SLC39A11: variants seen among roughly 807,000 people sequenced by gnomAD.
SLC39A11 encodes zinc transporter ZIP11.
A neutral mutation model predicts 36.1 loss-of-function variants in SLC39A11; 33 were observed. That is an observed-to-expected ratio of 0.91 (90% CI 0.69 to 1.22). The LOEUF is 1.22. Among genes scored for constraint, SLC39A11 ranks in the 50% most tolerant of loss-of-function variants. The pLI is 0.00. For missense variants in SLC39A11, 432 were observed against 430.3 expected, an observed-to-expected ratio of 1.00 and a Z score of -0.03; for synonymous variants, 166 against 170.3, an observed-to-expected ratio of 0.97 and a Z score of 0.20.
Position 72,677,351 on chromosome 17 carries a change from C to T in SLC39A11, c.672-28083G>A, listed in dbSNP as rs571845014. 1.5e-4 allele frequency among the ~76,000 whole-genome samples: 23 copies of T among 152,302 alleles called. 1 individual carries two copies. The South Asian group carries it at 3.9e-3, about 26-fold the overall frequency. On this transcript the variant is annotated intron_variant, in intron 7 of 9. Coordinates refer to ENST00000255559, the MANE Select transcript of SLC39A11 (RefSeq NM_139177.4). ...GAGGCCATGGCCAACACCAGCTGGG[C>T]CCTGCTACATCACAGCAGATGCTGC...
Position 72,777,119 on chromosome 17 carries a change from G to A in SLC39A11, c.602-40400C>T, listed in dbSNP as rs139096098. Reference sequence around the variant, plus strand: ...AGCCTGAATAAACGTATTCACACTCGGGCTTTAGTGTTTAATAAGACTTAA... The same window carrying A: ...AGCCTGAATAAACGTATTCACACTCAGGCTTTAGTGTTTAATAAGACTTAA... On this transcript the variant is annotated intron_variant, in intron 6 of 9. Transcript: ENST00000255559. Among the ~76,000 whole-genome samples, 7 of 152,114 alleles carry A rather than the reference G, an allele frequency of 4.6e-5. No individual in the cohort carries two copies. In the East Asian group the frequency reaches 1.2e-3, roughly 25 times the overall value.
rs967271788 is a variant in SLC39A11, at chr17:72,659,246, C to T, written c.672-9978G>A. Among the ~76,000 whole-genome samples the T allele has an allele frequency of 5.3e-5, 8 of 152,140 alleles. No individual in the cohort carries two copies. In the South Asian group the frequency reaches 6.2e-4, roughly 12 times the overall value. ...GCCTGCAAATGACTCCAGCACAGCACGGGACTTGCTAAAGGCCATAAGATC... is the reference window on the plus strand; with the variant it reads ...GCCTGCAAATGACTCCAGCACAGCATGGGACTTGCTAAAGGCCATAAGATC... On this transcript the variant is annotated intron_variant, in intron 7 of 9. Transcript: ENST00000255559.
chr17:73,059,874 G>A (rs961557915), intron 3 of SLC39A11, among the ~76,000 whole-genome samples: 2 of 152,008 alleles, frequency 1.3e-5, no homozygotes, highest in African/African-American at 2.4e-5. Context: ...AATATAAGAA[G>A]GTTGTAGGAG....
At chr17:72,800,122 G>T (rs1598787092) in intron 6 of SLC39A11, among the ~76,000 whole-genome samples, 1 of 151,970 alleles carries the variant, frequency 6.6e-6, no homozygotes, top group South Asian at 2.1e-4. Flanking sequence ...CCCAATACAT[G>T]TCTATGTGAG....
At chr17:72,669,327 G>C (rs971507160) in intron 7 of SLC39A11, among the ~76,000 whole-genome samples, 1 of 152,096 alleles carries the variant, frequency 6.6e-6, no homozygotes, top group African/African-American at 2.4e-5. Context: ...TGCTATTTCA[G>C]GATCCAGTGT....
chr17:72,896,861 T>C (rs2082053574), intron 5 of SLC39A11, among the ~76,000 whole-genome samples: 1 of 151,760 alleles, frequency 6.6e-6, no homozygotes, highest in African/African-American at 2.4e-5. Flanking sequence ...AAGACCAGCC[T>C]GACCAACATG....
chr17:72,890,342 C>G (rs185481519), intron 5 of SLC39A11, among the ~76,000 whole-genome samples: 4 of 151,102 alleles, frequency 2.6e-5, no homozygotes, highest in Admixed American at 2.6e-4. Flanking sequence ...TTGGTATGGT[C>G]CCAGCAAGTT....
chr17:72,804,006 T>A (rs2713982), intron 6 of SLC39A11, among the ~76,000 whole-genome samples: 62 of 137,758 alleles, frequency 4.5e-4, no homozygotes, highest in African/African-American at 1.6e-3. Context: ...CTTTTTTGGG[T>A]GGGGGCGGGG....
intron 6 of SLC39A11, among the ~76,000 whole-genome samples, chr17:72,807,837 G>A (rs78712437): frequency 0.015 from 2,229 of 152,250 alleles, 49 homozygotes; most frequent in African/African-American, 0.051. Flanking sequence ...AACTGAACCC[G>A]ACGAGGGGGT....
At position 72,972,346 on chromosome 17, in the gene SLC39A11, C is replaced by A. The variant is rs545470474; in HGVS notation, c.307-24471G>T. 7.2e-5 allele frequency among the ~76,000 whole-genome samples: 11 copies of A among 152,298 alleles called. No homozygotes were observed. The South Asian group carries it at 1.2e-3, about 17-fold the overall frequency. ...AAGGGCATTGCAATACACATCACCG[C>A]CCCACCCTTCCATTTCATAGATGTG... On this transcript the variant is annotated intron_variant, in intron 4 of 9. Transcript: ENST00000255559.
chr17:73,068,019 AC>A, intron 3 of SLC39A11: 1 of 1,592,412 alleles, frequency 6.3e-7, no homozygotes, highest in Admixed American at 1.7e-5. Flanking sequence ...AGTTTAAGAA[AC>A]TTTTTGATGA....
At chr17:73,085,246 T>A (rs879307936) in intron 2 of SLC39A11, among the ~76,000 whole-genome samples, 2 of 151,902 alleles carry the variant, frequency 1.3e-5, no homozygotes, top group Non-Finnish European at 2.9e-5. Flanking sequence ...AGTGCTCACA[T>A]GTGTAATCCC....
At chr17:72,694,354 G>A (rs998803004) in intron 7 of SLC39A11, among the ~76,000 whole-genome samples, 2 of 152,222 alleles carry the variant, frequency 1.3e-5, no homozygotes, top group African/African-American at 4.8e-5. Context: ...AGGAGAGCTA[G>A]AATTGGCTCC....
intron 6 of SLC39A11, among the ~76,000 whole-genome samples, chr17:72,814,072 A>C (rs961868130): frequency 6.6e-6 from 1 of 152,228 alleles, no homozygotes; most frequent in East Asian, 1.9e-4. Flanking sequence ...ACAACACGGC[A>C]TGTCTAATAC....
intron 5 of SLC39A11, among the ~76,000 whole-genome samples, chr17:72,870,503 A>T (rs913064907): frequency 1.2e-4 from 19 of 152,238 alleles, no homozygotes; most frequent in African/African-American, 4.1e-4. Flanking sequence ...CATCTTCGCT[A>T]GACTCCCAAA....
rs184568538 is a variant in SLC39A11, at chr17:72,648,207, G to A, written c.930-545C>T. ...TAGCTGGGCGTAGTGGTGGTTGCCT[G>A]TAGTCCCAGCTACTTGGGAGGCTGA... On this transcript the variant is annotated intron_variant, in intron 9 of 9. Coordinates refer to ENST00000255559, the MANE Select transcript of SLC39A11 (RefSeq NM_139177.4). Among the ~76,000 whole-genome samples, 112 of 151,854 alleles carry A rather than the reference G, an allele frequency of 7.4e-4. 2 individuals carry two copies. Among genetic ancestry groups the A allele is most frequent in the Non-Finnish European group, 1.0e-3 (70 of 67,976 alleles).
chr17:72,806,357 C>T (rs1280560639), intron 6 of SLC39A11, among the ~76,000 whole-genome samples: 2 of 152,128 alleles, frequency 1.3e-5, no homozygotes, highest in Non-Finnish European at 2.9e-5. Flanking sequence ...ACTTTGAAAG[C>T]TTGAAGCTTG....
intron 5 of SLC39A11, among the ~76,000 whole-genome samples, chr17:72,902,765 C>T (rs1313766588): frequency 1.3e-5 from 2 of 150,526 alleles, no homozygotes; most frequent in African/African-American, 5.0e-5. Flanking sequence ...AGCTTAACAA[C>T]CAGTGGGTAC....
In SLC39A11 at chr17:72,732,453, G is replaced by C. The variant is rs571637518; in HGVS notation, c.671+4197C>G. ...CATCCAGAACAGCGCCTCGCATTTA[G>C]TCTCCTTCGTCTTCTCTGGACTGTT... On this transcript the variant is annotated intron_variant, in intron 7 of 9. Coordinates refer to ENST00000255559, the MANE Select transcript of SLC39A11 (RefSeq NM_139177.4). Among the ~76,000 whole-genome samples, 12 of 152,210 alleles carry C rather than the reference G, an allele frequency of 7.9e-5. No homozygotes were observed. In the South Asian group the frequency reaches 2.5e-3, roughly 32 times the overall value.
Sources: allele counts gnomAD v4.1 joint callset (sites outside exome capture counted in the v4.1 genomes callset), GRCh38; gene constraint gnomAD v4.1.1; transcripts MANE v1.5; gene names NCBI Gene and HGNC (gene_info 2026-07-23, HGNC 2026-07-21).